ANO2: variants seen among roughly 807,000 people sequenced by gnomAD.
ANO2 encodes anoctamin 2, also known as anoctamin-2.
ANO2 carries 101 observed loss-of-function variants against 124.2 expected under a neutral mutation model. That is an observed-to-expected ratio of 0.81 (90% CI 0.69 to 0.96). The LOEUF is 0.96. Ranked by LOEUF, ANO2 falls within the 40% of genes least tolerant of loss-of-function variation. The pLI, the probability that ANO2 is intolerant of heterozygous loss-of-function variation, is 0.00. For missense variants in ANO2, 1,293 were observed against 1,274.5 expected, an observed-to-expected ratio of 1.01 and a Z score of -0.22; for synonymous variants, 486 against 482.5, an observed-to-expected ratio of 1.01 and a Z score of -0.09.
chr12:5,638,641 T>C (rs376650944), intron 15 of ANO2, among the ~76,000 whole-genome samples: 1 of 151,776 alleles, frequency 6.6e-6, no homozygotes, highest in Non-Finnish European at 1.5e-5. Context: ...CTCTTCCAAC[T>C]AGGTCAAAAG....
chr12:5,725,855 G>T (rs1377004267), intron 14 of ANO2, among the ~76,000 whole-genome samples: 3 of 151,970 alleles, frequency 2.0e-5, no homozygotes, highest in Non-Finnish European at 4.4e-5. Flanking sequence ...GCTGACCCAC[G>T]TAGAATGAGT....
At chr12:5,893,516 G>A (rs1307782268) in intron 3 of ANO2, among the ~76,000 whole-genome samples, 19 of 139,016 alleles carry the variant, frequency 1.4e-4, no homozygotes, top group Admixed American at 3.0e-4. Flanking sequence ...TATACTTTAA[G>A]TTCTGGGATA....
chr12:5,935,269 A>C (rs1942599762), intron 1 of ANO2, among the ~76,000 whole-genome samples: 1 of 152,114 alleles, frequency 6.6e-6, no homozygotes, highest in Non-Finnish European at 1.5e-5. Flanking sequence ...GTACATAATA[A>C]TCTTTGAGGG....
intron 10 of ANO2, among the ~76,000 whole-genome samples, chr12:5,796,469 TAC>T (rs145933132): frequency 4.0e-5 from 6 of 150,110 alleles, no homozygotes; most frequent in East Asian, 2.0e-4. Context: ...CTCTTGCACA[TAC>T]ACACACACAA....
At chr12:5,720,482 G>A (rs990950468) in intron 14 of ANO2, among the ~76,000 whole-genome samples, 3 of 152,156 alleles carry the variant, frequency 2.0e-5, no homozygotes, top group African/African-American at 7.2e-5. Flanking sequence ...TAATTTACGT[G>A]CTTCTGGCCA....
intron 7 of ANO2, among the ~76,000 whole-genome samples, chr12:5,813,604 T>C (rs1413147600): frequency 1.3e-5 from 2 of 152,168 alleles, no homozygotes; most frequent in Non-Finnish European, 2.9e-5. Context: ...CCAACCATCC[T>C]CACCAACTGC....
At chr12:5,647,270 G>C (rs1050461666) in intron 15 of ANO2, among the ~76,000 whole-genome samples, 8 of 152,182 alleles carry the variant, frequency 5.3e-5, no homozygotes, top group Non-Finnish European at 8.8e-5. Flanking sequence ...AGACCGTCTG[G>C]GTCTTGCAGA....
rs949520711 is a variant in ANO2, at chr12:5,945,202, G to T, written c.16C>A (p.Pro6Thr). MATPG[P>T]RDIPLLPGSP... is the part of the protein sequence containing the mutation. ...GTCCAGCCGGAAAACTCACCGCGCG[G>T]CCCGGGAGTCGCCATGATGTGGACG... The change falls in exon 1 of 25, where the codon CCG (proline) becomes ACG (threonine). Residue 6 changes from proline to threonine, a missense_variant. Transcript: ENST00000682330. 4 of 1,288,530 alleles carry T rather than the reference G, an allele frequency of 3.1e-6. No individual in the cohort carries two copies. Among genetic ancestry groups the T allele is most frequent in the Non-Finnish European group, 4.0e-6 (4 of 988,198 alleles). 79.8% of individuals were successfully genotyped at this position (1,288,530 alleles called of 1,614,324 possible). A position where few individuals can be genotyped will look rare whatever the true frequency, so the allele number is the denominator to read the frequency against.
At chr12:5,643,571 G>A (rs1946491008) in intron 15 of ANO2, among the ~76,000 whole-genome samples, 1 of 152,148 alleles carries the variant, frequency 6.6e-6, no homozygotes, top group Non-Finnish European at 1.5e-5. Context: ...ATATCCAGGA[G>A]TAGAATTTCT....
intron 4 of ANO2, chr12:5,852,004 C>A: frequency 1.4e-6 from 1 of 723,182 alleles, no homozygotes; most frequent in Admixed American, 1.9e-5. Context: ...GGAAACAAGA[C>A]ACAAATAGAA....
rs200339693 is a variant in ANO2 at position 5,578,413 on chromosome 12, A to C, written c.2339T>G (p.Phe780Cys). 6.2e-7 allele frequency: 1 copy of C among 1,613,958 alleles called. No individual in the cohort carries two copies. The highest frequency in any genetic ancestry group is 1.3e-5 in the African/African-American group (1 of 75,038). The change falls in exon 21 of 25, where the codon TTT becomes TGT. Residue 780 changes from phenylalanine to cysteine, a missense_variant. By Grantham distance (205) the Phe-to-Cys change is radical (BLOSUM62 -2). Coordinates refer to ENST00000682330, the MANE Select transcript of ANO2 (RefSeq NM_001364791.2). ...ATCCGGCCGTCTCAGCTCTGTAACA[A>C]ACTTCTTTGCATCGAGCCGCACTTC... The part of the protein sequence containing the change: ...VIEVRLDAKK[F>C]VTELRRPDAV...
chr12:5,622,611 T>C (rs190176399), intron 16 of ANO2, among the ~76,000 whole-genome samples: 133 of 152,218 alleles, frequency 8.7e-4, no homozygotes, highest in Middle Eastern at 3.4e-3. Flanking sequence ...ACTTTGACTT[T>C]TGGATCTCTC....
At position 5,904,632 on chromosome 12, in the gene ANO2, C is replaced by T. The variant is rs186678895; in HGVS notation, c.534+16408G>A. 2.8e-4 allele frequency among the ~76,000 whole-genome samples: 42 copies of T among 152,262 alleles called. No individual in the cohort carries two copies. Among genetic ancestry groups the T allele is most frequent in the Admixed American group, 2.2e-3 (34 of 15,308 alleles). On this transcript the variant is annotated intron_variant, in intron 3 of 24. Coordinates refer to ENST00000682330, the MANE Select transcript of ANO2 (RefSeq NM_001364791.2). The surrounding 1 kb of genome is among the most constrained non-coding windows in gnomAD (Gnocchi z 4.1). ...CCAGGTGACCCTGGTACCACACGGC[C>T]CCGACATGCCACAGCACCCGATGCT...
chr12:5,943,223 A>G (rs1321115776), intron 1 of ANO2, among the ~76,000 whole-genome samples: 3 of 152,262 alleles, frequency 2.0e-5, no homozygotes, highest in East Asian at 3.9e-4. Flanking sequence ...TTAAATGCCC[A>G]TTAACTAAAA....
intron 3 of ANO2, among the ~76,000 whole-genome samples, chr12:5,874,244 A>G (rs1937936738): frequency 6.6e-6 from 1 of 152,218 alleles, no homozygotes; most frequent in Non-Finnish European, 1.5e-5. Context: ...CTAGGCCACA[A>G]GGTAAGAGTC....
intron 14 of ANO2, among the ~76,000 whole-genome samples, chr12:5,674,342 A>T (rs986584269): frequency 7.2e-5 from 11 of 152,140 alleles, no homozygotes; most frequent in Non-Finnish European, 1.2e-4. Context: ...TCTAAGTTCA[A>T]GTCCCCAAAC....
chr12:5,877,678 C>T (rs1938200637), intron 3 of ANO2, among the ~76,000 whole-genome samples: 1 of 152,230 alleles, frequency 6.6e-6, no homozygotes, highest in Admixed American at 6.5e-5. Context: ...TGGTCCCCAA[C>T]CTTTTTGGCA....
rs151145692 is a variant in ANO2, at chr12:5,776,960, A to G, written c.1055+22547T>C. 5.6e-3 allele frequency among the ~76,000 whole-genome samples: 856 copies of G among 152,352 alleles called. 3 individuals are homozygous for G. The highest frequency in any genetic ancestry group is 0.019 in the African/African-American group (781 of 41,578). ...ACATTTGACAGGCTCCAAAGAACTC[A>G]GCTTCTAGATCTTAGGGAAGGGTCA... On this transcript the variant is annotated intron_variant, in intron 10 of 24. Coordinates refer to ENST00000682330, the MANE Select transcript of ANO2 (RefSeq NM_001364791.2).
At chr12:5,666,091 C>A (rs1478170277) in intron 14 of ANO2, among the ~76,000 whole-genome samples, 1 of 152,056 alleles carries the variant, frequency 6.6e-6, no homozygotes, top group African/African-American at 2.4e-5. Flanking sequence ...CCTCTGGAAT[C>A]CTGGACATGC....
Sources: gnomAD v4.1 joint callset for allele counts (sites outside exome capture counted in the v4.1 genomes callset) on GRCh38, gnomAD v4.1.1 for gene constraint, Gnocchi (gnomAD v3.1) non-coding constraint, MANE v1.5 for transcripts, NCBI Gene and HGNC (gene_info 2026-07-23, HGNC 2026-07-21) for gene names.